The following TBC1D22A variants were observed in gnomAD, a reference collection of about 807,000 sequenced individuals.
TBC1D22A encodes putative GTPase activator.
In TBC1D22A, 38 loss-of-function variants were observed where a neutral mutation model predicts 60.2. The observed-to-expected ratio is 0.63, with a 90% CI of 0.49 to 0.83. TBC1D22A has a LOEUF of 0.83. TBC1D22A is among the 40% of genes least tolerant of loss of function. TBC1D22A has a pLI of 0.00. For synonymous variants in TBC1D22A, 302 were observed against 281.7 expected (o/e 1.07, Z -0.72); for missense variants, 628 against 701.0 (o/e 0.90, Z 1.18).
intron 9 of TBC1D22A, among the ~76,000 whole-genome samples, chr22:46,979,253 G>A (rs760006825): frequency 1.1e-4 from 16 of 152,124 alleles, no homozygotes; most frequent in Non-Finnish European, 1.9e-4. Flanking sequence ...TCAGGCCCAG[G>A]GTGGCAGATA....
intron 8 of TBC1D22A, among the ~76,000 whole-genome samples, chr22:46,960,418 C>T (rs1201015599): frequency 2.6e-5 from 4 of 152,126 alleles, no homozygotes; most frequent in Non-Finnish European, 5.9e-5. Flanking sequence ...CCCACCACCA[C>T]GCCCAGCTAA....
At chr22:46,918,036 TCTCTGCAGTGGA>T (rs1424379906) in intron 8 of TBC1D22A, among the ~76,000 whole-genome samples, 1 of 151,886 alleles carries the variant, frequency 6.6e-6, no homozygotes, top group Non-Finnish European at 1.5e-5. Flanking sequence ...GCCTCAGTGA[TCTCTGCAGTGGA>T]CACGAAATGG....
chr22:47,084,263 G>C (rs903792331), intron 11 of TBC1D22A, among the ~76,000 whole-genome samples: 2 of 152,200 alleles, frequency 1.3e-5, no homozygotes, highest in Non-Finnish European at 2.9e-5. Context: ...TACAGTATTG[G>C]GCAGCACAGA....
chr22:46,778,011 A>T (rs1331388443), intron 1 of TBC1D22A, among the ~76,000 whole-genome samples: 1 of 152,244 alleles, frequency 6.6e-6, no homozygotes, highest in Non-Finnish European at 1.5e-5. Flanking sequence ...CAGTTGTCAC[A>T]CAATGGTTGG....
intron 10 of TBC1D22A, among the ~76,000 whole-genome samples, chr22:47,032,349 G>A (rs1224870261): frequency 3.3e-5 from 5 of 152,228 alleles, no homozygotes; most frequent in East Asian, 3.9e-4. Context: ...CCCTGCCCTC[G>A]AGGAAGTCAC....
intron 4 of TBC1D22A, among the ~76,000 whole-genome samples, chr22:46,821,637 A>C (rs1386978639): frequency 1.3e-5 from 2 of 152,158 alleles, no homozygotes; most frequent in Non-Finnish European, 2.9e-5. Context: ...TTTGTGGGTG[A>C]CCTGGCCTTT....
intron 11 of TBC1D22A, among the ~76,000 whole-genome samples, chr22:47,078,499 T>A (rs2064321244): frequency 6.6e-6 from 1 of 152,142 alleles, no homozygotes; most frequent in African/African-American, 2.4e-5. Context: ...GGTGGTAGGA[T>A]CCACTTCATG....
chr22:46,929,239 A>G (rs886817377), intron 8 of TBC1D22A, among the ~76,000 whole-genome samples: 2 of 152,244 alleles, frequency 1.3e-5, no homozygotes, highest in African/African-American at 4.8e-5. Context: ...TGGTGGCTCC[A>G]TAAACAAATC....
chr22:47,087,450 A>G (rs901695092), intron 11 of TBC1D22A, among the ~76,000 whole-genome samples: 4 of 152,260 alleles, frequency 2.6e-5, no homozygotes, highest in African/African-American at 9.6e-5. Context: ...ACTATGTGTC[A>G]AGTCGGTACT....
intron 4 of TBC1D22A, among the ~76,000 whole-genome samples, chr22:46,817,705 G>T (rs981589280): frequency 2.0e-5 from 3 of 152,152 alleles, no homozygotes; most frequent in Non-Finnish European, 2.9e-5. Context: ...AAATAGTGTT[G>T]CAGTAAACAT....
intron 9 of TBC1D22A, among the ~76,000 whole-genome samples, chr22:46,979,397 C>T (rs913089190): frequency 3.3e-5 from 5 of 152,202 alleles, no homozygotes; most frequent in Non-Finnish European, 5.9e-5. Context: ...CAGAGACCCG[C>T]GTTTGAATAA....
intron 11 of TBC1D22A, among the ~76,000 whole-genome samples, chr22:47,051,572 C>A (rs866821147): frequency 1.2e-4 from 19 of 152,210 alleles, no homozygotes; most frequent in African/African-American, 4.6e-4. Context: ...GGTGATTCTC[C>A]TGGAGGGCTG....
chr22:47,126,421 T>A (rs946324662), intron 12 of TBC1D22A, among the ~76,000 whole-genome samples: 1 of 152,204 alleles, frequency 6.6e-6, no homozygotes, highest in Non-Finnish European at 1.5e-5. Context: ...CTCTTGTAAC[T>A]GGGTGGAGGC....
chr22:46,827,608 C>T (rs946066571), intron 4 of TBC1D22A, among the ~76,000 whole-genome samples: 2 of 152,204 alleles, frequency 1.3e-5, no homozygotes, highest in Non-Finnish European at 2.9e-5. Flanking sequence ...CCTAGGTGAT[C>T]GGCCTGCCCA....
intron 7 of TBC1D22A, among the ~76,000 whole-genome samples, chr22:46,906,227 TCTTA>T (rs959279763): frequency 6.6e-6 from 1 of 152,224 alleles, no homozygotes; most frequent in African/African-American, 2.4e-5. Context: ...GTATATGTTT[TCTTA>T]CTTTCTAAAT....
intron 4 of TBC1D22A, among the ~76,000 whole-genome samples, chr22:46,849,477 G>C (rs765000968): frequency 2.0e-5 from 3 of 152,198 alleles, no homozygotes; most frequent in Non-Finnish European, 4.4e-5. Flanking sequence ...CTAAGACACA[G>C]TCTCTGTCAT....
At chr22:46,942,470 G>A (rs1319345588) in intron 8 of TBC1D22A, among the ~76,000 whole-genome samples, 2 of 152,076 alleles carry the variant, frequency 1.3e-5, no homozygotes, top group Admixed American at 1.3e-4. Context: ...TAGCTATGCC[G>A]CTAACGTCAC....
chr22:46,829,058 C>A (rs2086193828), intron 4 of TBC1D22A, among the ~76,000 whole-genome samples: 1 of 152,202 alleles, frequency 6.6e-6, no homozygotes, highest in African/African-American at 2.4e-5. Flanking sequence ...CCCACCCCCT[C>A]CACATTTCTG....
intron 11 of TBC1D22A, among the ~76,000 whole-genome samples, chr22:47,083,925 G>A (rs562644798): frequency 6.6e-5 from 10 of 152,268 alleles, no homozygotes; most frequent in African/African-American, 2.2e-4. Context: ...CCAGGCATGC[G>A]GAAATGCAAA....
Sources: gnomAD v4.1 joint callset for allele counts (sites outside exome capture counted in the v4.1 genomes callset) on GRCh38, gnomAD v4.1.1 for gene constraint, MANE v1.5 for transcripts, NCBI Gene and HGNC (gene_info 2026-07-23, HGNC 2026-07-21) for gene names.